The following ECI2 variants were observed in gnomAD, a reference collection of about 807,000 sequenced individuals.
ECI2 encodes the protein enoyl-CoA delta isomerase 2, also known as D3,D2-enoyl-CoA isomerase.
A neutral mutation model predicts 38.4 loss-of-function variants in ECI2; 27 were observed. The observed-to-expected ratio is 0.70, with a 90% confidence interval of 0.52 to 0.97. The LOEUF is 0.97. ECI2 is among the 50% of genes least tolerant of loss of function. The pLI is 0.00. For missense variants in ECI2, 470 were observed against 474.4 expected (o/e 0.99, Z 0.09); for synonymous variants, 168 against 172.0 (o/e 0.98, Z 0.18).
chr6:4,126,221 G>GT lies in ECI2; in HGVS notation c.587dup (p.Tyr196Ter). The change falls in exon 6 of 10, where the codon TAC becomes TAAC. Residue 196 changes from tyrosine (Y) to a stop codon, truncating the protein, a stop_gained and frameshift_variant. Coordinates refer to ENST00000380118, the MANE Select transcript of ECI2 (RefSeq NM_206836.3). LOFTEE classifies it high-confidence loss of function. ...ITVLTGNGDYYSSGNDLTNFT... is the reference protein window; with the variant it reads ...ITVLTGNGDY ...AGTTAGTCAGATCATTCCCACTACT[G>GT]TAATAGTCACCATTTCCTATAAGTA... 2 of 1,612,150 alleles carry GT rather than the reference G, an allele frequency of 1.2e-6. No individual in the cohort carries two copies. Among genetic ancestry groups the GT allele is most frequent in the South Asian group, 1.1e-5 (1 of 90,676 alleles).
rs182300843 is a variant in ECI2 at position 4,128,506 on chromosome 6, G to A, written c.502-675C>T. Among the ~76,000 whole-genome samples the A allele has an allele frequency of 2.5e-3, 383 of 152,250 alleles. 1 individual carries two copies. Among genetic ancestry groups the A allele is most frequent in the South Asian group, 0.016 (76 of 4,830 alleles). On this transcript the variant is annotated intron_variant, in intron 4 of 9. Coordinates refer to ENST00000380118, the MANE Select transcript of ECI2 (RefSeq NM_206836.3). ...AGATTTCAGTGTGGGAAAGAAATGA[G>A]GAAGAGGGCTGATACTTATAGATAC... is the stretch of plus-strand genomic sequence containing the variant.
chr6:4,118,554 T>C (rs1190274238), intron 8 of ECI2: 2 of 152,318 alleles, frequency 1.3e-5, no homozygotes, highest in South Asian at 2.1e-4. Context: ...GCTCAGCTTC[T>C]GGTCTTGTCA....
intron 7 of ECI2, among the ~76,000 whole-genome samples, chr6:4,124,623 A>G (rs1262935169): frequency 6.6e-6 from 1 of 152,258 alleles, no homozygotes; most frequent in Non-Finnish European, 1.5e-5. Flanking sequence ...AGGTGGCAAG[A>G]TAAGGAGTGA....
At chr6:4,129,547 GGA>G (rs1773394477) in intron 4 of ECI2, among the ~76,000 whole-genome samples, 1 of 152,172 alleles carries the variant, frequency 6.6e-6, no homozygotes, top group Admixed American at 6.5e-5. Flanking sequence ...ACTTCTGTGT[GGA>G]GAGTGCTGGC....
At chr6:4,125,391 A>C in intron 6 of ECI2, 21 bp from the exon 7 acceptor site, 1 of 1,613,626 alleles carries the variant, frequency 6.2e-7, no homozygotes, top group Non-Finnish European at 8.5e-7. Flanking sequence ...GGAAACACAA[A>C]ATCATTAAAT....
At position 4,117,474 on chromosome 6, in the gene ECI2, A is replaced by G. The variant is rs754045004; in HGVS notation, c.886-23T>C. 4.4e-6 allele frequency: 7 copies of G among 1,607,716 alleles called. 1 individual carries two copies. Among genetic ancestry groups the G allele is most frequent in the Non-Finnish European group, 5.9e-6 (7 of 1,178,334 alleles). Reference sequence around the variant, plus strand: ...TGCCTGAAATGAAAAGCAAGAAGCAAGGTTAAGATACTAACTTAATAAAAC... The same window carrying G: ...TGCCTGAAATGAAAAGCAAGAAGCAGGGTTAAGATACTAACTTAATAAAAC... On this transcript the variant is annotated intron_variant, in intron 8 of 9. Coordinates refer to ENST00000380118, the MANE Select transcript of ECI2 (RefSeq NM_206836.3).
Position 4,130,515 on chromosome 6 carries a change from G to T in ECI2, c.358C>A (p.Pro120Thr), listed in dbSNP as rs1339016162. Reference sequence around the variant, plus strand: ...ACCTGACTAGAGGATTCCAATGAAGGACTCAAACTGGACACCAAATCCACA... The same window carrying T: ...ACCTGACTAGAGGATTCCAATGAAGTACTCAAACTGGACACCAAATCCACA... ...NYVDLVSSLS[P>T]SLESSSQVEP... Residue 120 changes from proline to threonine, a missense_variant, in exon 4 of 10, where the codon CCT becomes ACT. Coordinates refer to ENST00000380118, the MANE Select transcript of ECI2 (RefSeq NM_206836.3). The T allele has an allele frequency of 3.7e-6, 6 of 1,614,172 alleles. No individual in the cohort carries two copies. Among genetic ancestry groups the T allele is most frequent in the South Asian group, 3.3e-5 (3 of 91,080 alleles).
intron 8 of ECI2, chr6:4,117,721 A>G (rs1772377587): frequency 3.1e-6 from 1 of 324,456 alleles, no homozygotes; most frequent in Non-Finnish European, 5.5e-6. Flanking sequence ...AAATGATCTG[A>G]AGCAGATGCT....
intron 6 of ECI2, 79 bp from the exon 7 acceptor site, chr6:4,125,449 A>C (rs1773086169): frequency 6.3e-7 from 1 of 1,580,034 alleles, no homozygotes; most frequent in African/African-American, 1.3e-5. Flanking sequence ...TCTGACTCTG[A>C]GATAAAGCCT....
chr6:4,117,248 T>C (rs1406606809), intron 9 of ECI2, 60 bp downstream of exon 9: 61 of 1,532,754 alleles, frequency 4.0e-5, no homozygotes, highest in Non-Finnish European at 5.2e-5. Context: ...TGAAGGCAAA[T>C]AAATTTTTCC....
intron 6 of ECI2, 99 bp downstream of exon 6, chr6:4,126,036 G>T: frequency 2.1e-6 from 2 of 931,998 alleles, no homozygotes; most frequent in African/African-American, 1.6e-5. Context: ...TAACTGCACT[G>T]ACACAGAGAA....
At chr6:4,130,283 G>A in intron 4 of ECI2, 89 bp downstream of exon 4, 1 of 1,613,408 alleles carries the variant, frequency 6.2e-7, no homozygotes, top group Non-Finnish European at 8.5e-7. Flanking sequence ...TCTTAAAATA[G>A]GAATGATGCT....
chr6:4,126,980 A>C (rs1479792575), intron 5 of ECI2, among the ~76,000 whole-genome samples: 1 of 152,106 alleles, frequency 6.6e-6, no homozygotes, highest in African/African-American at 2.4e-5. Flanking sequence ...ATCCCACCCC[A>C]CCTGCTCCAA....
intron 8 of ECI2, chr6:4,117,805 G>C (rs539787581): frequency 5.9e-6 from 1 of 169,594 alleles, no homozygotes; most frequent in East Asian, 1.6e-4. Flanking sequence ...GAGGAAAAAA[G>C]GAGAGAAAAA....
intron 7 of ECI2, chr6:4,122,027 A>G: frequency 6.3e-7 from 1 of 1,599,924 alleles, no homozygotes; most frequent in Non-Finnish European, 8.5e-7. Context: ...TGCCAACAAC[A>G]GCTAAAGGGA....
In ECI2 at chr6:4,115,849, A is replaced by C. The variant is rs762874173; in HGVS notation, c.*25T>G. On this transcript the variant is annotated 3_prime_UTR_variant, in exon 10 of 10. Transcript: ENST00000380118. ...GGTAACAGCACATCCTTCCTTGGAC[A>C]TGCTTTACTCTGCTGTAGTGGTCAT... 17 of 1,590,742 alleles carry C rather than the reference A, an allele frequency of 1.1e-5. No individual in the cohort carries two copies. Among genetic ancestry groups the C allele is most frequent in the Middle Eastern group, 3.4e-4 (2 of 5,956 alleles).
At chr6:4,118,887 C>T (rs527890943) in intron 8 of ECI2, 2 of 239,322 alleles carry the variant, frequency 8.4e-6, no homozygotes, top group African/African-American at 4.6e-5. Context: ...ACTAATGCCA[C>T]ACAGCTGCAA....
intron 5 of ECI2, among the ~76,000 whole-genome samples, chr6:4,126,682 G>A (rs612022): frequency 0.3 from 45,880 of 151,962 alleles, 7,056 homozygotes; most frequent in East Asian, 0.36. Flanking sequence ...GCTGACTCAG[G>A]GAAAGCCAGG....
chr6:4,128,844 G>T (rs1773341768), intron 4 of ECI2, among the ~76,000 whole-genome samples: 1 of 152,178 alleles, frequency 6.6e-6, no homozygotes, highest in South Asian at 2.1e-4. Flanking sequence ...AGGTTCCGCG[G>T]ATTTTGTTGT....
Sources: allele counts gnomAD v4.1 joint callset (sites outside exome capture counted in the v4.1 genomes callset), GRCh38; gene constraint gnomAD v4.1.1; transcripts MANE v1.5; gene names NCBI Gene and HGNC (gene_info 2026-07-23, HGNC 2026-07-21).